FUT9: variants seen among roughly 807,000 people sequenced by gnomAD.
The protein encoded by FUT9 is fucosyltransferase 9.
A neutral mutation model predicts 29.7 loss-of-function variants in FUT9; 15 were observed. The observed-to-expected ratio is 0.51, with a 90% CI of 0.34 to 0.78. The LOEUF is 0.78. FUT9 is among the 30% of genes least tolerant of loss of function. FUT9 has a pLI of 0.01. For missense variants in FUT9, 319 were observed against 425.4 expected (o/e 0.75, Z 2.20); for synonymous variants, 169 against 153.7 (o/e 1.10, Z -0.74).
In FUT9 at chr6:96,060,541, C is replaced by CT. The variant is rs766221602; in HGVS notation, c.-98+44330dup. On this transcript the variant is annotated intron_variant, in intron 1 of 2. Transcript: ENST00000302103. ...AGCATAACTTTTTTCTTTTCTCTCT[C>CT]TCTTTTTTTTTTTGACATGGAGTCT... Among the ~76,000 whole-genome samples, 369 of 149,010 alleles carry CT rather than the reference C, an allele frequency of 2.5e-3. 2 individuals carry two copies. Among genetic ancestry groups the CT allele is most frequent in the Middle Eastern group, 0.015 (4 of 272 alleles).
At chr6:96,071,621 T>C (rs989843160) in intron 1 of FUT9, among the ~76,000 whole-genome samples, 1 of 152,128 alleles carries the variant, frequency 6.6e-6, no homozygotes, top group Non-Finnish European at 1.5e-5. Context: ...CAAATCTGAA[T>C]ACCTGGAAGC....
chr6:96,198,893 T>C (rs1483329413), intron 2 of FUT9, among the ~76,000 whole-genome samples: 1 of 152,134 alleles, frequency 6.6e-6, no homozygotes, highest in African/African-American at 2.4e-5. Context: ...TTTTCATGTG[T>C]TTTTTGGCTG....
chr6:96,130,915 CA>C (rs1156882571), intron 2 of FUT9, among the ~76,000 whole-genome samples: 5 of 152,104 alleles, frequency 3.3e-5, no homozygotes, highest in Admixed American at 3.3e-4. Flanking sequence ...AGAAATTCTT[CA>C]AAATTTAACA....
intron 2 of FUT9, among the ~76,000 whole-genome samples, chr6:96,185,570 G>A (rs1773390755): frequency 6.6e-6 from 1 of 152,042 alleles, no homozygotes; most frequent in Admixed American, 6.6e-5. Flanking sequence ...AACAACCAGT[G>A]AAAACATAGA....
intron 2 of FUT9, among the ~76,000 whole-genome samples, chr6:96,184,638 T>C (rs760291189): frequency 7.9e-5 from 12 of 152,120 alleles, no homozygotes; most frequent in African/African-American, 1.2e-4. Flanking sequence ...CCAGAGGTTT[T>C]TGATACATTG....
chr6:96,016,251 G>A (rs1244117709), intron 1 of FUT9, 39 bp downstream of exon 1: 1 of 152,526 alleles, frequency 6.6e-6, no homozygotes. Flanking sequence ...GGGCGTCAAA[G>A]CTTGGCGCGG....
At chr6:96,105,838 A>G (rs944912011) in intron 1 of FUT9, among the ~76,000 whole-genome samples, 13 of 152,352 alleles carry the variant, frequency 8.5e-5, no homozygotes, top group Admixed American at 5.2e-4. Context: ...ATGGAAATTC[A>G]GGATCTTACC....
At chr6:96,118,079 C>T (rs775658391) in intron 2 of FUT9, among the ~76,000 whole-genome samples, 1 of 151,924 alleles carries the variant, frequency 6.6e-6, no homozygotes. Context: ...GTGGTGCACA[C>T]CTGTAGTCCC....
At chr6:96,114,819 G>T (rs1771880606) in intron 2 of FUT9, among the ~76,000 whole-genome samples, 1 of 152,124 alleles carries the variant, frequency 6.6e-6, no homozygotes, top group Admixed American at 6.5e-5. Context: ...CAATGAGAAA[G>T]AAATAAAACA....
chr6:96,025,121 G>A (rs1267076451), intron 1 of FUT9, among the ~76,000 whole-genome samples: 3 of 151,746 alleles, frequency 2.0e-5, no homozygotes, highest in African/African-American at 7.3e-5. Context: ...TCTGGCTACA[G>A]ATTTCCCTTT....
intron 2 of FUT9, among the ~76,000 whole-genome samples, chr6:96,202,334 G>A (rs17056409): frequency 0.014 from 2,096 of 151,838 alleles, 55 homozygotes; most frequent in African/African-American, 0.047. Context: ...TTATAATACC[G>A]ATATCATCTT....
rs377051947 is a variant in FUT9, at chr6:96,124,764, C to T, written c.-9+10637C>T. ...ATTGGCTTCTCTCATTATACTTCCACCCCCATTCTTCCACCATGCAAAAAA... is the reference window on the plus strand; with the variant it reads ...ATTGGCTTCTCTCATTATACTTCCATCCCCATTCTTCCACCATGCAAAAAA... On this transcript the variant is annotated intron_variant, in intron 2 of 2. Coordinates refer to ENST00000302103, the MANE Select transcript of FUT9 (RefSeq NM_006581.4). Among the ~76,000 whole-genome samples, 33 of 152,252 alleles carry T rather than the reference C, an allele frequency of 2.2e-4. No individual in the cohort carries two copies. In the South Asian group the frequency reaches 5.0e-3, roughly 23 times the overall value.
At position 96,125,601 on chromosome 6, in the gene FUT9, G is replaced by T. The variant is rs1772119402; in HGVS notation, c.-9+11474G>T. The stretch of plus-strand genomic sequence containing the variant: ...GTTTATGTGAGGAAACTACAGCTCG[G>T]CAAGATGAAGTCGTTGGGTCAAGGA... On this transcript the variant is annotated intron_variant, in intron 2 of 2. Coordinates refer to ENST00000302103, the MANE Select transcript of FUT9 (RefSeq NM_006581.4). Among the ~76,000 whole-genome samples the T allele has an allele frequency of 2.0e-5, 3 of 152,260 alleles. No homozygotes were observed. The South Asian group carries it at 6.2e-4, about 32-fold the overall frequency.
intron 2 of FUT9, among the ~76,000 whole-genome samples, chr6:96,142,580 A>C (rs967456453): frequency 2.0e-5 from 3 of 152,192 alleles, no homozygotes; most frequent in Admixed American, 6.5e-5. Flanking sequence ...CTGATCCTAC[A>C]TCAGAGGCTG....
chr6:96,075,012 G>C (rs1284250369), intron 1 of FUT9, among the ~76,000 whole-genome samples: 1 of 151,848 alleles, frequency 6.6e-6, no homozygotes, highest in Non-Finnish European at 1.5e-5. Context: ...AGAAACTCCT[G>C]GCCTCAAGCA....
chr6:96,142,299 C>T (rs934677658), intron 2 of FUT9, among the ~76,000 whole-genome samples: 1 of 152,028 alleles, frequency 6.6e-6, no homozygotes, highest in African/African-American at 2.4e-5. Flanking sequence ...GAGAAATACT[C>T]AATTTTATTC....
chr6:96,175,407 T>C (rs891005276), intron 2 of FUT9, among the ~76,000 whole-genome samples: 9 of 152,184 alleles, frequency 5.9e-5, no homozygotes, highest in Admixed American at 3.9e-4. Flanking sequence ...CTACATTGTC[T>C]GCTAATAAAT....
In FUT9 at chr6:96,042,610, T is replaced by C. The variant is rs114581000; in HGVS notation, c.-98+26398T>C. 8.2e-3 allele frequency among the ~76,000 whole-genome samples: 1,242 copies of C among 151,130 alleles called. 18 individuals are homozygous for C. Among genetic ancestry groups the C allele is most frequent in the African/African-American group, 0.029 (1,185 of 40,674 alleles). ...ACTAGAGATCAATATTTTACAGCTG[T>C]TTTTTTTAGTTATTTAATGTAGACT... is the stretch of plus-strand genomic sequence containing the variant. On this transcript the variant is annotated intron_variant, in intron 1 of 2. Coordinates refer to ENST00000302103, the MANE Select transcript of FUT9 (RefSeq NM_006581.4).
chr6:96,154,140 C>G (rs907118763), intron 2 of FUT9, among the ~76,000 whole-genome samples: 1 of 152,180 alleles, frequency 6.6e-6, no homozygotes, highest in African/African-American at 2.4e-5. Flanking sequence ...TTATATTACT[C>G]TTTAAATCAG....
Sources: allele counts gnomAD v4.1 joint callset (sites outside exome capture counted in the v4.1 genomes callset), GRCh38; gene constraint gnomAD v4.1.1; transcripts MANE v1.5; gene names NCBI Gene and HGNC (gene_info 2026-07-23, HGNC 2026-07-21).